The following ZC3H7A variants were observed in gnomAD, a reference collection of about 807,000 sequenced individuals.
ZC3H7A encodes zinc finger CCCH domain-containing protein 7A.
A neutral mutation model predicts 125.5 loss-of-function variants in ZC3H7A; 44 were observed. The observed-to-expected ratio is 0.35, with a 90% CI of 0.28 to 0.45. ZC3H7A has a LOEUF of 0.45. ZC3H7A is among the 20% of genes least tolerant of loss of function. The pLI, the probability that ZC3H7A is intolerant of heterozygous loss-of-function variation, is 1.00. For missense variants in ZC3H7A, 977 were observed against 1,170.7 expected, an observed-to-expected ratio of 0.83 and a Z score of 2.41; for synonymous variants, 399 against 391.2, an observed-to-expected ratio of 1.02 and a Z score of -0.23.
intron 9 of ZC3H7A, among the ~76,000 whole-genome samples, chr16:11,771,768 TG>T (rs1462141488): frequency 6.6e-6 from 1 of 152,156 alleles, no homozygotes; most frequent in Non-Finnish European, 1.5e-5. Flanking sequence ...CCCAAAGTGC[TG>T]GGATTACAGG....
chr16:11,760,883 G>C (rs545988749), intron 19 of ZC3H7A, among the ~76,000 whole-genome samples: 10 of 152,280 alleles, frequency 6.6e-5, no homozygotes, highest in African/African-American at 2.4e-4. Flanking sequence ...AGTTAGCCTA[G>C]TATTTTCTAG....
chr16:11,752,254 A>G (rs1397948609), intron 22 of ZC3H7A, among the ~76,000 whole-genome samples: 2 of 152,226 alleles, frequency 1.3e-5, no homozygotes, highest in Non-Finnish European at 2.9e-5. Flanking sequence ...GATACATATT[A>G]ACATCTTCCT....
At chr16:11,773,604 C>T (rs961988524) in intron 9 of ZC3H7A, among the ~76,000 whole-genome samples, 1 of 151,768 alleles carries the variant, frequency 6.6e-6, no homozygotes, top group Non-Finnish European at 1.5e-5. Context: ...GTCCTGAGGC[C>T]GGGCATGGTA....
At chr16:11,780,976 T>A (rs113151156) in intron 3 of ZC3H7A, among the ~76,000 whole-genome samples, 2 of 152,156 alleles carry the variant, frequency 1.3e-5, no homozygotes, top group Non-Finnish European at 2.9e-5. Context: ...CTGTCCCACT[T>A]ATTTTCAATG....
intron 10 of ZC3H7A, among the ~76,000 whole-genome samples, chr16:11,769,583 C>G (rs527309410): frequency 6.6e-6 from 1 of 150,758 alleles, no homozygotes; most frequent in Non-Finnish European, 1.5e-5. Flanking sequence ...TGATGGCAGG[C>G]GCCTGTAATC....
intron 4 of ZC3H7A, 44 bp downstream of exon 4, chr16:11,779,122 A>G (rs945753451): frequency 2.0e-6 from 3 of 1,478,730 alleles, no homozygotes; most frequent in Admixed American, 4.1e-5. Flanking sequence ...CATTGAAAAA[A>G]TTCTTTTCAC....
rs1050521261 is a variant in ZC3H7A at position 11,782,355 on chromosome 16, GTT to G, written c.-3_-2del. 6 of 1,613,936 alleles carry G rather than the reference GTT, an allele frequency of 3.7e-6. No individual in the cohort carries two copies. In the African/African-American group the frequency reaches 6.7e-5, roughly 18 times the overall value. On this transcript the variant is annotated 5_prime_UTR_variant, in exon 2 of 23. Transcript: ENST00000355758. ...TTCTCTCCTCGGACACATTGGACAT[GTT>G]ATCCCACACATCCACTTTCTAAATG... is the stretch of plus-strand genomic sequence containing the variant.
chr16:11,777,826 C>CCT (rs903980469), intron 4 of ZC3H7A, among the ~76,000 whole-genome samples: 1 of 151,688 alleles, frequency 6.6e-6, no homozygotes, highest in African/African-American at 2.4e-5. Context: ...TCGAGACCAG[C>CCT]CTGACCGACA....
chr16:11,784,698 T>C (rs749023245), intron 1 of ZC3H7A, among the ~76,000 whole-genome samples: 80 of 151,730 alleles, frequency 5.3e-4, no homozygotes, highest in African/African-American at 1.3e-3. Context: ...CTACTGAAAA[T>C]ACAAAATTAG....
At chr16:11,796,439 T>C (rs2053438057) in intron 1 of ZC3H7A, 1 of 152,170 alleles carries the variant, frequency 6.6e-6, no homozygotes, top group Non-Finnish European at 1.5e-5. Context: ...GACAGGAAAA[T>C]ACCCAACTCC....
In ZC3H7A at chr16:11,779,252, C is replaced by G. The variant is rs1467206867; in HGVS notation, c.220G>C (p.Asp74His). The change falls in exon 4 of 23, where the codon GAT becomes CAT. Residue 74 changes from aspartate to histidine, a missense_variant. By Grantham distance (81) the Asp-to-His change is moderately conservative. Coordinates refer to ENST00000355758, the MANE Select transcript of ZC3H7A (RefSeq NM_014153.4). ...AAAATTTCTTCAGATTTTGCATAAT[C>G]AGCTATATTCAAGGCTTCCGTGTAC... is the stretch of plus-strand genomic sequence containing the variant. ...SQYTEALNIADYAKSEEILIP... is the reference protein window; with the variant it reads ...SQYTEALNIAHYAKSEEILIP... 2 of 1,613,438 alleles carry G rather than the reference C, an allele frequency of 1.2e-6. No homozygotes were observed. Among genetic ancestry groups the G allele is most frequent in the Non-Finnish European group, 1.7e-6 (2 of 1,179,780 alleles).
intron 18 of ZC3H7A, 92 bp from the exon 19 acceptor site, chr16:11,761,603 A>G (rs2141169388): frequency 7.5e-7 from 1 of 1,342,050 alleles, no homozygotes; most frequent in Non-Finnish European, 1.0e-6. Flanking sequence ...CTGAGGAACC[A>G]GAGAATTTTT....
rs1237835278 is a variant in ZC3H7A, at chr16:11,774,310, C to T, written c.829G>A (p.Asp277Asn). 1.9e-6 allele frequency: 3 copies of T among 1,613,828 alleles called. No homozygotes were observed. Among genetic ancestry groups the T allele is most frequent in the Middle Eastern group, 1.6e-4 (1 of 6,084 alleles). ...PFTMPEAFLDDGDMVLGDELD... is the reference protein window; with the variant it reads ...PFTMPEAFLDNGDMVLGDELD... The stretch of plus-strand genomic sequence containing the variant: ...TCATCTCCAAGGACCATATCTCCAT[C>T]ATCTAGAAAAGCTTCTGGCATAGTG... The change falls in exon 9 of 23, where the codon GAT becomes AAT. Residue 277 changes from aspartate to asparagine, a missense_variant. By Grantham distance (23) the Asp-to-Asn change is conservative. Around this residue, in one of 3 missense-constraint regions of ZC3H7A, gnomAD observed 342 missense variants for 311.3 expected, o/e 1.10. Coordinates refer to ENST00000355758, the MANE Select transcript of ZC3H7A (RefSeq NM_014153.4).
intron 1 of ZC3H7A, 79 bp from the exon 2 acceptor site, chr16:11,782,467 C>T: frequency 1.7e-6 from 2 of 1,181,390 alleles, no homozygotes. Context: ...AAATCCAGAC[C>T]TTGTCACACA....
chr16:11,791,158 C>A (rs1189729592), intron 1 of ZC3H7A, among the ~76,000 whole-genome samples: 4 of 151,184 alleles, frequency 2.6e-5, no homozygotes, highest in African/African-American at 7.3e-5. Context: ...CTGCTTAAGA[C>A]CCTTCAGCAG....
intron 10 of ZC3H7A, among the ~76,000 whole-genome samples, chr16:11,769,725 A>AAAAAAAAAC (rs2052939205): frequency 6.8e-6 from 1 of 147,032 alleles, no homozygotes; most frequent in African/African-American, 2.5e-5. Flanking sequence ...AAAAAAAAAA[A>AAAAAAAAAC]AAAAGCAGGA....
intron 3 of ZC3H7A, 104 bp from the exon 4 acceptor site, chr16:11,779,467 G>C (rs773969829): frequency 1.0e-6 from 1 of 972,208 alleles, no homozygotes; most frequent in Non-Finnish European, 1.5e-6. Flanking sequence ...CAATGTGACA[G>C]AACAGCAGCA....
chr16:11,765,085 G>A lies in ZC3H7A; in HGVS notation c.1788C>T (p.His596=), dbSNP rs762186565. ...RNKDNSTACS[H]PVTKHEFEDN... ...CTTCAAACTCATGCTTTGTAACCGG[G>A]TGAGAACAAGCAGTAGAATTATCTT... is the stretch of plus-strand genomic sequence containing the variant. Residue 596 remains histidine (H), a synonymous_variant, in exon 15 of 23, where the codon CAC becomes CAT. Coordinates refer to ENST00000355758, the MANE Select transcript of ZC3H7A (RefSeq NM_014153.4). This position sits in a 1 kb window ranked among gnomAD's most constrained non-coding sequence, Gnocchi z 4.8. The A allele has an allele frequency of 1.6e-5, 26 of 1,590,076 alleles. No homozygotes were observed. The highest frequency in any genetic ancestry group is 2.1e-5 in the Non-Finnish European group (24 of 1,170,020).
chr16:11,758,313 G>C (rs2052687196), intron 20 of ZC3H7A, 118 bp downstream of exon 20: 5 of 755,860 alleles, frequency 6.6e-6, no homozygotes, highest in South Asian at 1.5e-5. Flanking sequence ...TGATGAAACG[G>C]GGCAACCGTT....
Sources: allele counts gnomAD v4.1 joint callset (sites outside exome capture counted in the v4.1 genomes callset), GRCh38; gene constraint gnomAD v4.1.1; regional missense constraint gnomAD v4.1.1; non-coding constraint Gnocchi (gnomAD v3.1); transcripts MANE v1.5; gene names NCBI Gene and HGNC (gene_info 2026-07-23, HGNC 2026-07-21).